INCA1: variants seen among roughly 807,000 people sequenced by gnomAD.
INCA1 encodes the protein protein INCA1.
Under a neutral mutation model 25.7 loss-of-function variants are expected in INCA1, and 28 were observed. The observed-to-expected ratio is 1.09, with a 90% CI of 0.81 to 1.49. The LOEUF is 1.49. INCA1 is among the 40% of genes most tolerant of loss of function. The pLI, the probability that INCA1 is intolerant of heterozygous loss-of-function variation, is 0.00. For missense variants in INCA1, 309 were observed against 290.9 expected (o/e 1.06, Z -0.45); for synonymous variants, 111 against 103.6 (o/e 1.07, Z -0.43).
chr17:4,989,807 C>T lies in INCA1; in HGVS notation c.198+83G>A, dbSNP rs1050117312. ...CTGGTTGGGGAATAACAGAGGGAAG[C>T]GGTAATAAGGAGAGCTTGGGACAGG... On this transcript the variant is annotated intron_variant, in intron 4 of 6. Transcript: ENST00000576820. 4.3e-5 allele frequency: 69 copies of T among 1,595,942 alleles called. No individual in the cohort carries two copies. In the South Asian group the frequency reaches 5.2e-4, roughly 12 times the overall value.
At chr17:4,989,194 T>A (rs1973625128) in intron 5 of INCA1, among the ~76,000 whole-genome samples, 1 of 152,204 alleles carries the variant, frequency 6.6e-6, no homozygotes, top group Admixed American at 6.5e-5. Context: ...AGTGATCTAG[T>A]TTCCACTCCT....
intron 6 of INCA1, 76 bp downstream of exon 6, chr17:4,988,703 T>C: frequency 6.3e-7 from 1 of 1,591,842 alleles, no homozygotes; most frequent in South Asian, 1.1e-5. Flanking sequence ...AGCCTGGCTC[T>C]CAGCTTCTGC....
chr17:4,988,913 C>A (rs1304524878), exon 6 of INCA1: 1 of 1,614,152 alleles, frequency 6.2e-7, no homozygotes, highest in Non-Finnish European at 8.5e-7. Flanking sequence ...TCAGATGCAG[C>A]CCCAGAGCTG....
chr17:4,988,282 A>T, exon 7 of INCA1: 1 of 1,103,218 alleles, frequency 9.1e-7, no homozygotes, highest in Non-Finnish European at 1.3e-6. Context: ...AGGATGGGAA[A>T]GGCAGTTGGA....
Position 4,988,638 on chromosome 17 carries a change from C to G in INCA1, c.562-84G>C, listed in dbSNP as rs568589977. ...TCCTAGTACCCAAGCTTAGGTACCTCGAAGTCTCTGGTTCTCACCTACGTT... is the reference window on the plus strand; with the variant it reads ...TCCTAGTACCCAAGCTTAGGTACCTGGAAGTCTCTGGTTCTCACCTACGTT... On this transcript the variant is annotated intron_variant, in intron 6 of 6. Transcript: ENST00000576820. 3 of 1,569,896 alleles carry G rather than the reference C, an allele frequency of 1.9e-6. No individual in the cohort carries two copies. The African/African-American group carries it at 4.1e-5, about 22-fold the overall frequency.
exon 7 of INCA1, chr17:4,988,348 G>A (rs1372718584): frequency 2.6e-5 from 39 of 1,524,314 alleles, no homozygotes; most frequent in Non-Finnish European, 2.9e-5. Context: ...CTCTAGTGAC[G>A]GAACTAGTCT....
rs570356742 is a variant in INCA1 at position 4,989,364 on chromosome 17, G to A, written c.395+64C>T. 10 of 1,489,072 alleles carry A rather than the reference G, an allele frequency of 6.7e-6. No individual in the cohort carries two copies. In the African/African-American group the frequency reaches 7.0e-5, roughly 10 times the overall value. The allele number at this position is 1,489,072 out of a possible 1,614,324, so 92.2% of individuals were successfully genotyped here. A position where few individuals can be genotyped will look rare whatever the true frequency, so the allele number is the denominator to read the frequency against. On this transcript the variant is annotated intron_variant, in intron 5 of 6. Transcript: ENST00000576820. The stretch of plus-strand genomic sequence containing the variant: ...CTCAAAGCTGTCAACCCCTTCCTTA[G>A]CTCAAACTGTTCTGCCCCCAAATCC...
intron 4 of INCA1, 25 bp from the exon 5 acceptor site, chr17:4,989,649 A>T (rs1713445541): frequency 1.2e-6 from 2 of 1,609,798 alleles, no homozygotes; most frequent in South Asian, 1.1e-5. Context: ...GGGGAAAAAG[A>T]GCTAGAAAGA....
intron 5 of INCA1, 95 bp from the exon 6 acceptor site, chr17:4,989,039 G>A: frequency 3.8e-6 from 5 of 1,305,454 alleles, no homozygotes; most frequent in Non-Finnish European, 5.2e-6. Context: ...CTTCCTGCTG[G>A]GACTCCAGGG....
intron 2 of INCA1, among the ~76,000 whole-genome samples, chr17:4,991,913 T>A (rs920014802): frequency 6.6e-6 from 1 of 152,170 alleles, no homozygotes; most frequent in Non-Finnish European, 1.5e-5. Flanking sequence ...TACCACCATA[T>A]ATTTCAGGTC....
At chr17:4,996,240 A>G (rs1240131750) in intron 1 of INCA1, among the ~76,000 whole-genome samples, 1 of 151,660 alleles carries the variant, frequency 6.6e-6, no homozygotes, top group East Asian at 1.9e-4. Context: ...GAAAAAGTTT[A>G]GCCAGGTGTG....
chr17:4,993,243 G>A (rs181796797), intron 2 of INCA1, among the ~76,000 whole-genome samples: 20 of 149,732 alleles, frequency 1.3e-4, no homozygotes, highest in Admixed American at 9.3e-4. Context: ...GCAATGGCTC[G>A]GTCTCAGCTC....
chr17:4,992,484 A>C (rs963942979), intron 2 of INCA1, among the ~76,000 whole-genome samples: 9 of 152,010 alleles, frequency 5.9e-5, no homozygotes, highest in Non-Finnish European at 1.2e-4. Flanking sequence ...AGGTCTCACT[A>C]TGTTGCCCAG....
At chr17:4,996,663 T>A (rs1334067362) in intron 1 of INCA1, among the ~76,000 whole-genome samples, 13 of 68,386 alleles carry the variant, frequency 1.9e-4, no homozygotes, top group African/African-American at 5.3e-4. Context: ...CAAGACTCCG[T>A]CTCAAAAAAA....
chr17:4,988,287 G>T, exon 7 of INCA1: 1 of 1,176,422 alleles, frequency 8.5e-7, no homozygotes, highest in African/African-American at 1.6e-5. Flanking sequence ...GGGAAAGGCA[G>T]TTGGAGAGAC....
At chr17:4,996,436 C>T (rs534567125) in intron 1 of INCA1, among the ~76,000 whole-genome samples, 1 of 149,528 alleles carries the variant, frequency 6.7e-6, no homozygotes, top group East Asian at 2.0e-4. Context: ...AATCCCAGCA[C>T]TTTGGGAGGC....
intron 1 of INCA1, among the ~76,000 whole-genome samples, chr17:4,995,324 C>T (rs1974163005): frequency 6.6e-6 from 1 of 152,080 alleles, no homozygotes. Flanking sequence ...TCTTCTGAAG[C>T]TAAATGTGCA....
At chr17:4,993,716 C>G (rs1974034068) in intron 2 of INCA1, among the ~76,000 whole-genome samples, 1 of 151,738 alleles carries the variant, frequency 6.6e-6, no homozygotes, top group Admixed American at 6.6e-5. Context: ...GATCCACCCA[C>G]CTCGGCCTCC....
At position 4,989,945 on chromosome 17, in the gene INCA1, A is replaced by G. The variant is rs1165233609; in HGVS notation, c.159-16T>C. ...CCAAGTGGGGCTGTGAAGAACAAAA[A>G]GGGGGCTATAAGTGCAGAGGGGACA... On this transcript the variant is annotated splice_polypyrimidine_tract_variant and intron_variant, in intron 3 of 6. Transcript: ENST00000576820. 1.9e-6 allele frequency: 3 copies of G among 1,614,078 alleles called. No individual in the cohort carries two copies. The highest frequency in any genetic ancestry group is 3.3e-5 in the Admixed American group (2 of 60,010).
Sources: allele counts gnomAD v4.1 joint callset (sites outside exome capture counted in the v4.1 genomes callset), GRCh38; gene constraint gnomAD v4.1.1; transcripts MANE v1.5; gene names NCBI Gene and HGNC (gene_info 2026-07-23, HGNC 2026-07-21).